The following MBD2 variants were observed in gnomAD, a reference collection of about 807,000 sequenced individuals.
MBD2 encodes methyl-CpG binding domain protein 2, also known as methyl-CpG-binding domain protein 2.
Under a neutral mutation model 39.3 loss-of-function variants are expected in MBD2, and 9 were observed. The observed-to-expected ratio is 0.23, with a 90% confidence interval of 0.14 to 0.40. The LOEUF (loss-of-function observed/expected upper bound fraction) is 0.40, where lower values mean the gene tolerates loss of function less well. MBD2 is among the 10% of genes least tolerant of loss of function. The pLI is 1.00. For synonymous variants in MBD2, 233 were observed against 211.1 expected, an observed-to-expected ratio of 1.10 and a Z score of -0.90; for missense variants, 458 against 532.6, an observed-to-expected ratio of 0.86 and a Z score of 1.38.
intron 3 of MBD2, among the ~76,000 whole-genome samples, chr18:54,185,381 ACT>A (rs2144307048): frequency 6.6e-6 from 1 of 152,318 alleles, no homozygotes; most frequent in East Asian, 1.9e-4. Context: ...CTATTCAAAG[ACT>A]GTCAAAAACA....
chr18:54,166,025 G>C (rs753549271), intron 4 of MBD2, 51 bp downstream of exon 4: 1 of 1,231,676 alleles, frequency 8.1e-7, no homozygotes, highest in South Asian at 1.2e-5. Flanking sequence ...AGAGTGCCTG[G>C]CATGCAGTAG....
intron 3 of MBD2, among the ~76,000 whole-genome samples, chr18:54,177,497 T>C (rs77094302): frequency 6.6e-5 from 10 of 152,132 alleles, no homozygotes; most frequent in Non-Finnish European, 1.5e-4. Context: ...TTTTTTTTTT[T>C]CGAGACGGAG....
chr18:54,183,312 A>G (rs1354627602), intron 3 of MBD2, among the ~76,000 whole-genome samples: 1 of 152,206 alleles, frequency 6.6e-6, no homozygotes, highest in Non-Finnish European at 1.5e-5. Flanking sequence ...TCATTAACAT[A>G]TGGATGATAA....
chr18:54,212,118 C>T (rs780906590), intron 1 of MBD2, among the ~76,000 whole-genome samples: 3 of 152,130 alleles, frequency 2.0e-5, no homozygotes, highest in African/African-American at 4.8e-5. Context: ...TACCTAGTGA[C>T]CTTTGCTCCA....
chr18:54,208,964 C>G, intron 1 of MBD2, among the ~76,000 whole-genome samples: 1 of 152,066 alleles, frequency 6.6e-6, no homozygotes, highest in East Asian at 1.9e-4. Context: ...CAGTTTAACA[C>G]GGCTTCATAT....
chr18:54,222,532 A>G, intron 1 of MBD2: 1 of 289,100 alleles, frequency 3.5e-6, no homozygotes, highest in South Asian at 2.9e-5. Context: ...CCCAGGCACA[A>G]TCATAGGTCA....
intron 1 of MBD2, among the ~76,000 whole-genome samples, chr18:54,216,796 G>GA (rs2086565379): frequency 6.6e-6 from 1 of 152,054 alleles, no homozygotes; most frequent in Admixed American, 6.6e-5. Context: ...GGCCAGGCGC[G>GA]GTGGCTCATG....
chr18:54,157,199 C>T (rs1184972275), intron 6 of MBD2, among the ~76,000 whole-genome samples: 3 of 152,068 alleles, frequency 2.0e-5, no homozygotes, highest in Admixed American at 1.3e-4. Flanking sequence ...ATCAACACAG[C>T]ATCTTCATGT....
intron 6 of MBD2, among the ~76,000 whole-genome samples, chr18:54,156,891 T>C (rs763151365): frequency 1.3e-5 from 2 of 151,736 alleles, no homozygotes; most frequent in Non-Finnish European, 2.9e-5. Flanking sequence ...AGAAGTCTAG[T>C]AAAACCTCAA....
intron 2 of MBD2, among the ~76,000 whole-genome samples, chr18:54,198,927 A>G (rs1312754629): frequency 6.6e-6 from 1 of 152,200 alleles, no homozygotes; most frequent in Admixed American, 6.5e-5. Flanking sequence ...GCTTCTTAAG[A>G]GTAGGCCAAC....
intron 1 of MBD2, among the ~76,000 whole-genome samples, chr18:54,211,860 CCT>C (rs1491355341): frequency 6.8e-5 from 10 of 146,140 alleles, no homozygotes; most frequent in Non-Finnish European, 4.4e-5. Context: ...CCTATGGCCT[CCT>C]TTTTTTTTTT....
chr18:54,191,040 G>A (rs932951963), intron 2 of MBD2, among the ~76,000 whole-genome samples: 4 of 152,064 alleles, frequency 2.6e-5, no homozygotes, highest in East Asian at 1.9e-4. Context: ...AACAAAATAC[G>A]TCTGATATAT....
At chr18:54,216,726 CAAAG>C (rs2086564750) in intron 1 of MBD2, among the ~76,000 whole-genome samples, 1 of 151,468 alleles carries the variant, frequency 6.6e-6, no homozygotes, top group South Asian at 2.1e-4. Context: ...ATAAAAATAA[CAAAG>C]AAAAGAATAC....
At chr18:54,216,945 G>A (rs1177903888) in intron 1 of MBD2, among the ~76,000 whole-genome samples, 4 of 152,074 alleles carry the variant, frequency 2.6e-5, no homozygotes, top group Non-Finnish European at 4.4e-5. Context: ...AAAATTAGCT[G>A]GGCATGGTTG....
rs1245160050 is a variant in MBD2, at chr18:54,151,738, A to G, written c.*3586T>C. 6.6e-6 allele frequency: 1 copy of G among 150,904 alleles called. No individual in the cohort carries two copies. The highest frequency in any genetic ancestry group is 2.4e-5 in the African/African-American group (1 of 41,126). The allele number at this position is 150,904 out of a possible 1,614,324, so 9.3% of individuals were successfully genotyped here. ...AAAGCTTGTTTATATCTTTGCAATT[A>G]TTTATGAAGATCTATATTATTTTAA... On this transcript the variant is annotated 3_prime_UTR_variant, in exon 7 of 7. Coordinates refer to ENST00000256429, the MANE Select transcript of MBD2 (RefSeq NM_003927.5).
intron 2 of MBD2, among the ~76,000 whole-genome samples, chr18:54,200,456 G>C (rs1568088848): frequency 6.6e-6 from 1 of 152,174 alleles, no homozygotes; most frequent in African/African-American, 2.4e-5. Context: ...CAAGCTGCAT[G>C]AAGTCCCCTA....
At chr18:54,197,415 C>G (rs2086375083) in intron 2 of MBD2, among the ~76,000 whole-genome samples, 1 of 152,236 alleles carries the variant, frequency 6.6e-6, no homozygotes, top group Non-Finnish European at 1.5e-5. Flanking sequence ...GCCTTTTTGT[C>G]TTCACATGAT....
At chr18:54,195,909 G>A (rs948618800) in intron 2 of MBD2, among the ~76,000 whole-genome samples, 1 of 152,274 alleles carries the variant, frequency 6.6e-6, no homozygotes, top group East Asian at 1.9e-4. Context: ...GTGTGCCTGA[G>A]TGATACCTTT....
At chr18:54,168,627 G>T (rs372744717) in intron 3 of MBD2, among the ~76,000 whole-genome samples, 83 of 63,794 alleles carry the variant, frequency 1.3e-3, no homozygotes, top group African/African-American at 7.8e-3. Context: ...GTGTGTGTGT[G>T]TGTGTGTGTG....
Sources: allele counts gnomAD v4.1 joint callset (sites outside exome capture counted in the v4.1 genomes callset), GRCh38; gene constraint gnomAD v4.1.1; transcripts MANE v1.5; gene names NCBI Gene and HGNC (gene_info 2026-07-23, HGNC 2026-07-21).